PARN: variants seen among roughly 807,000 people sequenced by gnomAD.
PARN encodes the protein poly(A)-specific ribonuclease PARN.
PARN carries 71 observed loss-of-function variants against 102.8 expected under a neutral mutation model. The observed-to-expected ratio is 0.69, with a 90% CI of 0.57 to 0.84. The LOEUF (loss-of-function observed/expected upper bound fraction) is 0.84. Ranked by LOEUF, PARN falls within the 40% of genes least tolerant of loss-of-function variation. The pLI is 0.00. For synonymous variants in PARN, 261 were observed against 252.9 expected, an observed-to-expected ratio of 1.03 and a Z score of -0.30; for missense variants, 782 against 760.9, an observed-to-expected ratio of 1.03 and a Z score of -0.33.
intron 21 of PARN, among the ~76,000 whole-genome samples, chr16:14,491,570 C>T (rs889187130): frequency 2.0e-5 from 3 of 151,912 alleles, no homozygotes; most frequent in Non-Finnish European, 4.4e-5. Context: ...TTGAGACCAG[C>T]CTGGACAACA....
intron 22 of PARN, among the ~76,000 whole-genome samples, chr16:14,479,119 AT>A (rs2044228863): frequency 6.6e-6 from 1 of 152,204 alleles, no homozygotes; most frequent in African/African-American, 2.4e-5. Context: ...TGAAAATGAC[AT>A]TTAAGAAACA....
intron 6 of PARN, among the ~76,000 whole-genome samples, chr16:14,616,337 C>A (rs1351202231): frequency 6.6e-6 from 1 of 152,186 alleles, no homozygotes; most frequent in Non-Finnish European, 1.5e-5. Context: ...GACACAATCC[C>A]TTCCTCAGGT....
At chr16:14,530,691 T>A (rs1966276384) in intron 21 of PARN, among the ~76,000 whole-genome samples, 1 of 152,094 alleles carries the variant, frequency 6.6e-6, no homozygotes, top group African/African-American at 2.4e-5. Context: ...GTCGTAAACT[T>A]CCGCCTTCGT....
intron 23 of PARN, among the ~76,000 whole-genome samples, chr16:14,437,555 C>T (rs1272652848): frequency 1.3e-5 from 2 of 152,184 alleles, no homozygotes; most frequent in South Asian, 2.1e-4. Context: ...CGAGCAGCTG[C>T]GGCCAGCAAC....
rs547488250 is a variant in PARN, at chr16:14,484,908, GA to G, written c.1481-2082del. Among the ~76,000 whole-genome samples the G allele has an allele frequency of 9.4e-4, 139 of 147,896 alleles. 2 individuals are homozygous for G. Among genetic ancestry groups the G allele is most frequent in the Middle Eastern group, 3.5e-3 (1 of 284 alleles). On this transcript the variant is annotated intron_variant, in intron 21 of 23. Coordinates refer to ENST00000437198, the MANE Select transcript of PARN (RefSeq NM_002582.4). ...TTCACTCAAGAGTTAAAGAGAAAAA[GA>G]AAAAAAAAACCCTCAAAGTATTAGG...
intron 21 of PARN, among the ~76,000 whole-genome samples, chr16:14,520,893 G>A (rs1043380699): frequency 6.6e-6 from 1 of 152,174 alleles, no homozygotes; most frequent in African/African-American, 2.4e-5. Flanking sequence ...TCTTTATAGT[G>A]TGTGTGTCTT....
intron 11 of PARN, among the ~76,000 whole-genome samples, 163 bp from the exon 12 acceptor site, chr16:14,600,123 G>T (rs527329846): frequency 1.3e-5 from 2 of 152,130 alleles, no homozygotes; most frequent in Non-Finnish European, 2.9e-5. Flanking sequence ...CATCTAAAAT[G>T]ATCTACGTAC....
intron 21 of PARN, among the ~76,000 whole-genome samples, chr16:14,504,596 G>C (rs1009286758): frequency 6.6e-6 from 1 of 152,010 alleles, no homozygotes; most frequent in Non-Finnish European, 1.5e-5. Context: ...AATTACGTGA[G>C]GGAGAAAGTA....
chr16:14,584,735 C>CA lies in PARN; in HGVS notation c.1005+13dup, dbSNP rs766948159. The CA allele has an allele frequency of 6.4e-7, 1 of 1,559,050 alleles. No homozygotes were observed. Among genetic ancestry groups the CA allele is most frequent in the East Asian group, 2.3e-5 (1 of 44,104 alleles). On this transcript the variant is annotated intron_variant, in intron 15 of 23. Transcript: ENST00000437198. ...AATATGCAGTCGCTTTATAAAGTAG[C>CA]AAATGAATAATACCTTAAAAGGTTG...
intron 22 of PARN, among the ~76,000 whole-genome samples, chr16:14,454,771 C>G (rs890276858): frequency 6.6e-6 from 1 of 152,166 alleles, no homozygotes; most frequent in Non-Finnish European, 1.5e-5. Flanking sequence ...ATTCAGAATT[C>G]CCAAATCATA....
chr16:14,569,076 GT>G (rs2151731009), intron 18 of PARN, among the ~76,000 whole-genome samples: 1 of 151,776 alleles, frequency 6.6e-6, no homozygotes, highest in African/African-American at 2.4e-5. Context: ...GCCGGGTATG[GT>G]GGCTTGAGCC....
At chr16:14,626,206 T>C (rs1021580838) in intron 5 of PARN, among the ~76,000 whole-genome samples, 3 of 152,226 alleles carry the variant, frequency 2.0e-5, no homozygotes, top group Non-Finnish European at 4.4e-5. Context: ...TTGCATAGGA[T>C]ACACACATAC....
intron 12 of PARN, 129 bp downstream of exon 12, chr16:14,599,775 T>G (rs1970763883): frequency 6.9e-6 from 4 of 579,840 alleles, no homozygotes; most frequent in Non-Finnish European, 1.2e-5. Context: ...CTTGATGAAG[T>G]TCTAACTTCT....
At chr16:14,563,051 T>G (rs1393668756) in intron 18 of PARN, among the ~76,000 whole-genome samples, 2 of 152,156 alleles carry the variant, frequency 1.3e-5, no homozygotes, top group African/African-American at 4.8e-5. Context: ...TATTCAAAAA[T>G]GCATGCAAGC....
intron 23 of PARN, among the ~76,000 whole-genome samples, chr16:14,446,380 TAAG>T (rs1961199053): frequency 6.6e-6 from 1 of 152,114 alleles, no homozygotes; most frequent in Non-Finnish European, 1.5e-5. Flanking sequence ...TTAAATGAAA[TAAG>T]GAGAGAAATG....
intron 21 of PARN, among the ~76,000 whole-genome samples, chr16:14,497,424 T>C (rs1268803973): frequency 1.3e-5 from 2 of 152,224 alleles, no homozygotes; most frequent in Admixed American, 1.3e-4. Flanking sequence ...TTGGGTCCTT[T>C]CACCTGGACT....
At chr16:14,553,167 C>T (rs1442358151) in intron 20 of PARN, among the ~76,000 whole-genome samples, 2 of 149,584 alleles carry the variant, frequency 1.3e-5, no homozygotes, top group Admixed American at 6.7e-5. Flanking sequence ...CCTGTAATCC[C>T]AGCACTTTGA....
At chr16:14,555,743 A>G (rs1295369135) in intron 18 of PARN, 34 bp from the exon 19 acceptor site, 1 of 1,166,694 alleles carries the variant, frequency 8.6e-7, no homozygotes, top group Admixed American at 2.8e-5. Context: ...GTAATGGGCA[A>G]TTTCCTTTAA....
chr16:14,535,113 C>T (rs893842429), intron 21 of PARN, among the ~76,000 whole-genome samples: 20 of 152,168 alleles, frequency 1.3e-4, no homozygotes, highest in Admixed American at 5.2e-4. Context: ...GGATTCCAGG[C>T]GTGAGCCATC....
Sources: gnomAD v4.1 joint callset for allele counts (sites outside exome capture counted in the v4.1 genomes callset) on GRCh38, gnomAD v4.1.1 for gene constraint, MANE v1.5 for transcripts, NCBI Gene and HGNC (gene_info 2026-07-23, HGNC 2026-07-21) for gene names.